The following BICC1 variants were observed in gnomAD, a reference collection of about 807,000 sequenced individuals.
The protein encoded by BICC1 is BicC family RNA binding protein 1.
Under a neutral mutation model 111.0 loss-of-function variants are expected in BICC1, and 43 were observed. The ratio of observed to expected loss-of-function variants is 0.39; its 90% confidence interval spans 0.30 to 0.50. The LOEUF (loss-of-function observed/expected upper bound fraction) is 0.50, where lower values mean the gene tolerates loss of function less well. BICC1 is among the 20% of genes least tolerant of loss of function. The pLI, the probability that BICC1 is intolerant of heterozygous loss-of-function variation, is 0.88. For synonymous variants in BICC1, 467 were observed against 434.4 expected (o/e 1.07, Z -0.93); for missense variants, 1,091 against 1,203.2 (o/e 0.91, Z 1.38).
At chr10:58,816,117 A>G (rs1844078608) in intron 18 of BICC1, among the ~76,000 whole-genome samples, 1 of 151,512 alleles carries the variant, frequency 6.6e-6, no homozygotes, top group Admixed American at 6.6e-5. Context: ...TTTACTCTCG[A>G]AAAAAAAAGT....
chr10:58,621,884 T>G (rs1845819047), intron 2 of BICC1, among the ~76,000 whole-genome samples: 1 of 101,374 alleles, frequency 9.9e-6, no homozygotes, highest in Admixed American at 1.2e-4. Flanking sequence ...GGCAACAGAG[T>G]GAGACTTTGT....
intron 3 of BICC1, among the ~76,000 whole-genome samples, chr10:58,705,429 A>G (rs1178391226): frequency 6.6e-6 from 1 of 152,128 alleles, no homozygotes; most frequent in Non-Finnish European, 1.5e-5. Flanking sequence ...GTTAATGTGG[A>G]TTAGTTTAGA....
chr10:58,731,235 T>C (rs1564579831), intron 3 of BICC1, among the ~76,000 whole-genome samples: 1 of 152,206 alleles, frequency 6.6e-6, no homozygotes, highest in Non-Finnish European at 1.5e-5. Flanking sequence ...CAAAAGTGAC[T>C]GCTGGAGTTC....
chr10:58,633,238 G>A (rs1485426115), intron 2 of BICC1, among the ~76,000 whole-genome samples: 1 of 152,110 alleles, frequency 6.6e-6, no homozygotes, highest in South Asian at 2.1e-4. Context: ...TGAGGCCTCT[G>A]CAGCCATGTG....
At chr10:58,568,462 A>G (rs1843838435) in intron 1 of BICC1, among the ~76,000 whole-genome samples, 1 of 152,150 alleles carries the variant, frequency 6.6e-6, no homozygotes, top group African/African-American at 2.4e-5. Context: ...ATTCTGTATT[A>G]TATAGCACTT....
intron 2 of BICC1, among the ~76,000 whole-genome samples, chr10:58,642,581 C>A (rs1838155077): frequency 6.6e-6 from 1 of 152,090 alleles, no homozygotes. Context: ...CCAGTGGTCT[C>A]CCAGGAAAGT....
At chr10:58,634,692 C>G (rs1837902395) in intron 2 of BICC1, among the ~76,000 whole-genome samples, 2 of 152,090 alleles carry the variant, frequency 1.3e-5, no homozygotes, top group Non-Finnish European at 2.9e-5. Flanking sequence ...AGCCCCCACC[C>G]CACTGTGCAG....
At chr10:58,803,766 AT>A (rs1843627744) in intron 15 of BICC1, among the ~76,000 whole-genome samples, 1 of 152,336 alleles carries the variant, frequency 6.6e-6, no homozygotes, top group Non-Finnish European at 1.5e-5. Flanking sequence ...CCTTTAAATA[AT>A]TTTTATGATT....
At chr10:58,709,332 T>A (rs899421038) in intron 3 of BICC1, among the ~76,000 whole-genome samples, 7 of 152,240 alleles carry the variant, frequency 4.6e-5, no homozygotes, top group African/African-American at 1.7e-4. Flanking sequence ...TTTCTGAACC[T>A]GGCTTATTTC....
At chr10:58,564,376 G>T (rs1315469350) in intron 1 of BICC1, among the ~76,000 whole-genome samples, 1 of 152,128 alleles carries the variant, frequency 6.6e-6, no homozygotes, top group African/African-American at 2.4e-5. Flanking sequence ...CAGGTGGCAG[G>T]CAGTTAATAT....
chr10:58,716,098 A>T, intron 3 of BICC1: 3 of 1,492,660 alleles, frequency 2.0e-6, no homozygotes, highest in Admixed American at 2.0e-5. Flanking sequence ...AAAGAGAAAG[A>T]TGTATTCTGA....
Position 58,820,403 on chromosome 10 carries a change from A to G in BICC1, c.2729A>G (p.Gln910Arg), listed in dbSNP as rs1168613179. The G allele has an allele frequency of 6.2e-7, 1 of 1,611,868 alleles. No individual in the cohort carries two copies. The highest frequency in any genetic ancestry group is 1.3e-5 in the African/African-American group (1 of 74,832). ...DLQTFLTLTD[Q>R]DLKELGITTF... is the part of the protein sequence containing the mutation. Reference sequence around the variant, plus strand: ...CAGACATTCCTCACTCTCACAGATCAGGATCTGAAGGAGCTGGGAATAACT... The same window carrying G: ...CAGACATTCCTCACTCTCACAGATCGGGATCTGAAGGAGCTGGGAATAACT... Residue 910 changes from glutamine to arginine, a missense_variant, in exon 20 of 21, where the codon CAG (glutamine) becomes CGG (arginine). This residue lies in a region of BICC1 where 231 missense variants were observed against 256.2 expected (regional missense o/e 0.90). Coordinates refer to ENST00000373886, the MANE Select transcript of BICC1 (RefSeq NM_001080512.3).
chr10:58,676,506 C>T (rs1839346502), intron 2 of BICC1, among the ~76,000 whole-genome samples: 1 of 152,176 alleles, frequency 6.6e-6, no homozygotes, highest in Middle Eastern at 3.2e-3. Context: ...CTAGATTCCT[C>T]CTCTCTGGGC....
Position 58,791,641 on chromosome 10 carries a change from G to A in BICC1, c.1047+1708G>A, listed in dbSNP as rs1299439104. The stretch of plus-strand genomic sequence containing the variant: ...TGTAATCCCAGCTACTCAAGAGGCT[G>A]AGACAGGAGAATTGCTCAAACCGCG... On this transcript the variant is annotated intron_variant, in intron 8 of 20. Transcript: ENST00000373886. Among the ~76,000 whole-genome samples, 3 of 152,116 alleles carry A rather than the reference G, an allele frequency of 2.0e-5. 1 individual carries two copies. Among genetic ancestry groups the A allele is most frequent in the Admixed American group, 6.5e-5 (1 of 15,274 alleles).
chr10:58,538,718 G>A (rs140040780), intron 1 of BICC1, among the ~76,000 whole-genome samples: 155 of 151,272 alleles, frequency 1.0e-3, no homozygotes, highest in African/African-American at 3.6e-3. Context: ...CAACATACAC[G>A]GAACTCAAAT....
chr10:58,547,248 C>T (rs1843164940), intron 1 of BICC1, among the ~76,000 whole-genome samples: 1 of 152,120 alleles, frequency 6.6e-6, no homozygotes, highest in South Asian at 2.1e-4. Flanking sequence ...CATTCATTGT[C>T]ATGTCTCCCT....
intron 3 of BICC1, among the ~76,000 whole-genome samples, chr10:58,760,637 A>T (rs181115161): frequency 4.6e-5 from 7 of 152,184 alleles, no homozygotes; most frequent in Middle Eastern, 3.2e-3. Context: ...ACTCATACAG[A>T]CATAAATTGA....
intron 3 of BICC1, among the ~76,000 whole-genome samples, chr10:58,733,541 C>T (rs1452234922): frequency 6.6e-6 from 1 of 152,184 alleles, no homozygotes; most frequent in Admixed American, 6.5e-5. Flanking sequence ...TTGGTAGTAA[C>T]CAAGTTTCAT....
At chr10:58,763,145 C>T (rs943479570) in intron 3 of BICC1, among the ~76,000 whole-genome samples, 15 of 152,144 alleles carry the variant, frequency 9.9e-5, no homozygotes, top group Non-Finnish European at 1.9e-4. Context: ...TCAAAATGTG[C>T]ACAAGATTGA....
Sources: allele counts gnomAD v4.1 joint callset (sites outside exome capture counted in the v4.1 genomes callset), GRCh38; gene constraint gnomAD v4.1.1; regional missense constraint gnomAD v4.1.1; transcripts MANE v1.5; gene names NCBI Gene and HGNC (gene_info 2026-07-23, HGNC 2026-07-21).